Variants in CADPS observed in about 807,000 individuals in gnomAD.
CADPS encodes calcium dependent secretion activator, also known as calcium-dependent secretion activator 1.
In CADPS, 57 loss-of-function variants were observed where a neutral mutation model predicts 167.3. The observed-to-expected ratio is 0.34, with a 90% CI of 0.28 to 0.42. The LOEUF (loss-of-function observed/expected upper bound fraction) is 0.42, where lower values mean the gene tolerates loss of function less well. Among genes scored for constraint, CADPS ranks in the 20% least tolerant of loss-of-function variants. The pLI is 1.00. For missense variants in CADPS, 1,414 were observed against 1,738.1 expected, an observed-to-expected ratio of 0.81 and a Z score of 3.32; for synonymous variants, 676 against 635.3, an observed-to-expected ratio of 1.06 and a Z score of -0.96.
At chr3:62,555,681 G>C (rs1210454638) in intron 10 of CADPS, among the ~76,000 whole-genome samples, 1 of 152,160 alleles carries the variant, frequency 6.6e-6, no homozygotes, top group Non-Finnish European at 1.5e-5. Context: ...AGGTGGTATT[G>C]ATTTCCCTTC....
chr3:62,431,775 G>A (rs2054011262), intron 28 of CADPS, among the ~76,000 whole-genome samples: 1 of 151,624 alleles, frequency 6.6e-6, no homozygotes, highest in Admixed American at 6.6e-5. Context: ...CAGTGTATGA[G>A]AGGAAAATTT....
chr3:62,436,220 G>A (rs927413656), intron 28 of CADPS, among the ~76,000 whole-genome samples: 3 of 152,126 alleles, frequency 2.0e-5, no homozygotes, highest in Admixed American at 1.3e-4. Flanking sequence ...TGTCAATTAA[G>A]TAACAAGCTA....
chr3:62,729,330 A>G (rs2077314521), intron 3 of CADPS, among the ~76,000 whole-genome samples: 1 of 151,854 alleles, frequency 6.6e-6, no homozygotes, highest in Admixed American at 6.6e-5. Flanking sequence ...ATTAAGAAAA[A>G]TTGTCAGGGA....
At chr3:62,701,427 C>T (rs1249850806) in intron 3 of CADPS, among the ~76,000 whole-genome samples, 1 of 151,744 alleles carries the variant, frequency 6.6e-6, no homozygotes, top group Non-Finnish European at 1.5e-5. Flanking sequence ...AACTCTGTGA[C>T]CACTGAGGAG....
intron 3 of CADPS, among the ~76,000 whole-genome samples, chr3:62,715,797 C>T (rs2084427199): frequency 1.8e-5 from 2 of 109,954 alleles, no homozygotes; most frequent in South Asian, 3.2e-4. Context: ...TGCTGTGTCG[C>T]CCAGGCTGGA....
At chr3:62,831,461 C>G (rs2075070408) in intron 1 of CADPS, among the ~76,000 whole-genome samples, 1 of 152,080 alleles carries the variant, frequency 6.6e-6, no homozygotes, top group Non-Finnish European at 1.5e-5. Context: ...TGGGTTTGTC[C>G]TCTGGAATGA....
intron 3 of CADPS, among the ~76,000 whole-genome samples, chr3:62,711,169 T>C (rs2083326110): frequency 6.6e-6 from 1 of 152,244 alleles, no homozygotes; most frequent in Admixed American, 6.5e-5. Flanking sequence ...CATCCAATTC[T>C]ATTGATATAC....
chr3:62,680,930 G>A (rs1244482385), intron 3 of CADPS, among the ~76,000 whole-genome samples: 1 of 151,928 alleles, frequency 6.6e-6, no homozygotes, highest in Non-Finnish European at 1.5e-5. Flanking sequence ...CTTTAGAAAT[G>A]ATGAGGACAT....
chr3:62,628,040 T>C (rs115461290), intron 6 of CADPS, among the ~76,000 whole-genome samples: 1,881 of 152,298 alleles, frequency 0.012, 16 homozygotes, highest in Non-Finnish European at 0.02. Flanking sequence ...CTCTTTTCTA[T>C]TGTGGGTGAA....
intron 15 of CADPS, 95 bp downstream of exon 15, chr3:62,516,485 A>G: frequency 1.0e-6 from 1 of 985,948 alleles, no homozygotes; most frequent in Non-Finnish European, 1.5e-6. Flanking sequence ...AATCCTATAA[A>G]AATTACAACT....
rs1577372112 is a variant in CADPS, at chr3:62,536,656, C to A, written c.1967-75G>T. ...CATTTTCTTTGACATTTCAAATACA[C>A]AGGAATTCACTAGACATTATGAACG... On this transcript the variant is annotated intron_variant, in intron 11 of 29. Transcript: ENST00000383710. 8 of 1,418,654 alleles carry A rather than the reference C, an allele frequency of 5.6e-6. No individual in the cohort carries two copies. The East Asian group carries it at 1.6e-4, about 28-fold the overall frequency. The allele number at this position is 1,418,654 out of a possible 1,614,324, so 87.9% of individuals were successfully genotyped here. A position where few individuals can be genotyped will look rare whatever the true frequency, so the allele number is the denominator to read the frequency against.
chr3:62,605,284 G>T (rs932749814), intron 6 of CADPS, among the ~76,000 whole-genome samples: 16 of 151,894 alleles, frequency 1.1e-4, no homozygotes, highest in Admixed American at 8.5e-4. Flanking sequence ...CAGAACAACA[G>T]CCTCTGAGCT....
chr3:62,659,439 G>A (rs2072598306), intron 4 of CADPS, among the ~76,000 whole-genome samples: 1 of 152,200 alleles, frequency 6.6e-6, no homozygotes, highest in Admixed American at 6.5e-5. Flanking sequence ...TAAGCTGAGG[G>A]AAAAGCAGGT....
intron 1 of CADPS, among the ~76,000 whole-genome samples, chr3:62,823,187 T>A (rs986978833): frequency 6.6e-6 from 1 of 152,206 alleles, no homozygotes; most frequent in Admixed American, 6.5e-5. Flanking sequence ...CAGCACTAAC[T>A]CAGGTGGTAA....
intron 3 of CADPS, among the ~76,000 whole-genome samples, chr3:62,701,859 G>A (rs2081461221): frequency 1.3e-5 from 2 of 152,048 alleles, no homozygotes; most frequent in African/African-American, 2.4e-5. Context: ...AACTCACTAT[G>A]TCAAAAGGAA....
At chr3:62,415,815 C>T (rs1468849428) in intron 28 of CADPS, among the ~76,000 whole-genome samples, 2 of 152,042 alleles carry the variant, frequency 1.3e-5, no homozygotes, top group Non-Finnish European at 2.9e-5. Context: ...GTTGGGGTAG[C>T]GGATGGCAAT....
chr3:62,409,461 T>A lies in CADPS; in HGVS notation c.3778-6276A>T, dbSNP rs377128199. Among the ~76,000 whole-genome samples the A allele has an allele frequency of 3.3e-5, 5 of 152,242 alleles. No homozygotes were observed. In the East Asian group the frequency reaches 7.7e-4, roughly 23 times the overall value. ...AGATAGAAAGTTGCTAAGCAGAGTG[T>A]GGGGACTCGGGGGCATCCCCATGGA... On this transcript the variant is annotated intron_variant, in intron 28 of 29. Coordinates refer to ENST00000383710, the MANE Select transcript of CADPS (RefSeq NM_003716.4).
At chr3:62,501,721 C>T (rs1046414453) in intron 17 of CADPS, among the ~76,000 whole-genome samples, 1 of 152,040 alleles carries the variant, frequency 6.6e-6, no homozygotes, top group Non-Finnish European at 1.5e-5. Flanking sequence ...ATAATTCATA[C>T]CAATATTTTT....
intron 11 of CADPS, among the ~76,000 whole-genome samples, chr3:62,538,865 T>C (rs1353266147): frequency 2.0e-5 from 3 of 152,154 alleles, no homozygotes; most frequent in Non-Finnish European, 4.4e-5. Flanking sequence ...AAAAGGCGAC[T>C]TGGCTCCTTT....
Sources: allele counts gnomAD v4.1 joint callset (sites outside exome capture counted in the v4.1 genomes callset), GRCh38; gene constraint gnomAD v4.1.1; transcripts MANE v1.5; gene names NCBI Gene and HGNC (gene_info 2026-07-23, HGNC 2026-07-21).